Variants in LPP observed in about 807,000 individuals in gnomAD.
LPP encodes the protein lipoma-preferred partner.
LPP carries 38 observed loss-of-function variants against 60.4 expected under a neutral mutation model. That is an observed-to-expected ratio of 0.63 (90% CI 0.49 to 0.83). The LOEUF (loss-of-function observed/expected upper bound fraction) is 0.83. Among genes scored for constraint, LPP ranks in the 40% least tolerant of loss-of-function variants. LPP has a pLI of 0.00. For missense variants in LPP, 902 were observed against 783.6 expected, an observed-to-expected ratio of 1.15 and a Z score of -1.80; for synonymous variants, 328 against 290.8, an observed-to-expected ratio of 1.13 and a Z score of -1.30.
At chr3:188,601,804 C>A (rs372889232) in intron 6 of LPP, among the ~76,000 whole-genome samples, 1 of 151,982 alleles carries the variant, frequency 6.6e-6, no homozygotes, top group African/African-American at 2.4e-5. Flanking sequence ...TGTGGTGGCT[C>A]ACGCCTGTAA....
chr3:188,314,212 C>T (rs770244463), intron 2 of LPP, among the ~76,000 whole-genome samples: 1 of 152,028 alleles, frequency 6.6e-6, no homozygotes, highest in Non-Finnish European at 1.5e-5. Flanking sequence ...TCATAATGTT[C>T]CCTGTTACTA....
chr3:188,293,566 A>C (rs1418004161), intron 2 of LPP, among the ~76,000 whole-genome samples: 1 of 152,232 alleles, frequency 6.6e-6, no homozygotes, highest in Non-Finnish European at 1.5e-5. Flanking sequence ...AATATATGTC[A>C]AACTGAGAAT....
chr3:188,369,180 T>G (rs1358954234), intron 3 of LPP, among the ~76,000 whole-genome samples: 3 of 152,156 alleles, frequency 2.0e-5, no homozygotes, highest in Non-Finnish European at 4.4e-5. Context: ...AGATCCAAGG[T>G]AGATCTTTCT....
intron 2 of LPP, among the ~76,000 whole-genome samples, chr3:188,225,923 A>C (rs1176364179): frequency 6.6e-6 from 1 of 152,236 alleles, no homozygotes; most frequent in Non-Finnish European, 1.5e-5. Flanking sequence ...GTGTTTGGGC[A>C]TTTACAAGGA....
intron 6 of LPP, among the ~76,000 whole-genome samples, chr3:188,525,835 G>A (rs1820437893): frequency 6.6e-6 from 1 of 152,196 alleles, no homozygotes; most frequent in African/African-American, 2.4e-5. Context: ...ATTAATCTGT[G>A]TTTTGTAAGT....
At chr3:188,734,132 C>T (rs947609546) in intron 8 of LPP, among the ~76,000 whole-genome samples, 2 of 152,090 alleles carry the variant, frequency 1.3e-5, no homozygotes, top group Non-Finnish European at 2.9e-5. Context: ...TTATATTTCT[C>T]TGTCTCTTCT....
At chr3:188,497,085 T>G (rs1051305204) in intron 5 of LPP, among the ~76,000 whole-genome samples, 13 of 151,280 alleles carry the variant, frequency 8.6e-5, no homozygotes, top group African/African-American at 2.2e-4. Context: ...AGTTTTGTGG[T>G]TTTTTTTGAA....
intron 7 of LPP, among the ~76,000 whole-genome samples, chr3:188,659,502 G>A (rs760279944): frequency 5.3e-5 from 8 of 152,150 alleles, no homozygotes; most frequent in Middle Eastern, 3.4e-3. Flanking sequence ...ATATATGTTC[G>A]GAATATATTT....
intron 7 of LPP, among the ~76,000 whole-genome samples, chr3:188,687,835 C>T (rs1055999213): frequency 1.4e-5 from 2 of 145,260 alleles, no homozygotes; most frequent in Non-Finnish European, 3.0e-5. Flanking sequence ...GGTGCAGTGG[C>T]ACGATCTCGG....
intron 1 of LPP, among the ~76,000 whole-genome samples, chr3:188,207,207 ATTTTCTTTTTTTTTT>A (rs1234657418): frequency 3.4e-5 from 4 of 116,470 alleles, no homozygotes; most frequent in Non-Finnish European, 7.3e-5. Flanking sequence ...TGACCTACAC[ATTTTCTTTTTTTTTT>A]TTTTCTTTTC....
intron 7 of LPP, among the ~76,000 whole-genome samples, chr3:188,655,157 C>G (rs972643869): frequency 1.4e-4 from 22 of 152,170 alleles, no homozygotes; most frequent in African/African-American, 4.8e-4. Context: ...AGGATATTCT[C>G]TCTTCCTTTA....
chr3:188,660,331 G>T (rs888094324), intron 7 of LPP, among the ~76,000 whole-genome samples: 1 of 152,164 alleles, frequency 6.6e-6, no homozygotes, highest in Non-Finnish European at 1.5e-5. Context: ...CCAATTCTTT[G>T]CAGAAGGTGC....
intron 5 of LPP, 133 bp from the exon 6 acceptor site, chr3:188,524,532 A>T: frequency 1.2e-6 from 1 of 866,844 alleles, no homozygotes; most frequent in Non-Finnish European, 1.8e-6. Flanking sequence ...CTGAGATTTT[A>T]TGAAAGCTTA....
At chr3:188,786,993 G>T (rs987521665) in intron 9 of LPP, among the ~76,000 whole-genome samples, 1 of 152,130 alleles carries the variant, frequency 6.6e-6, no homozygotes, top group Non-Finnish European at 1.5e-5. Flanking sequence ...ACAATAGAAG[G>T]GATCATTGTG....
chr3:188,231,282 A>G (rs544579342), intron 2 of LPP, among the ~76,000 whole-genome samples: 11 of 152,192 alleles, frequency 7.2e-5, no homozygotes, highest in African/African-American at 2.7e-4. Context: ...TGCTTACCAC[A>G]GATTCCCCAG....
At chr3:188,360,931 C>T (rs1037350333) in intron 3 of LPP, among the ~76,000 whole-genome samples, 4 of 152,104 alleles carry the variant, frequency 2.6e-5, no homozygotes, top group East Asian at 1.9e-4. Flanking sequence ...AATGAGATAG[C>T]GGGTGTATAA....
intron 4 of LPP, among the ~76,000 whole-genome samples, chr3:188,415,694 T>C (rs1786048910): frequency 6.6e-6 from 1 of 151,250 alleles, no homozygotes; most frequent in Admixed American, 6.6e-5. Context: ...AGGTTACATG[T>C]ATTATATGAT....
chr3:188,753,754 G>A (rs565150563), intron 8 of LPP, among the ~76,000 whole-genome samples: 3 of 151,778 alleles, frequency 2.0e-5, no homozygotes, highest in Non-Finnish European at 2.9e-5. Flanking sequence ...TCCTTTTCTT[G>A]TTGCGAGTGT....
At chr3:188,525,990 T>C (rs1186950898) in intron 6 of LPP, among the ~76,000 whole-genome samples, 4 of 152,238 alleles carry the variant, frequency 2.6e-5, no homozygotes, top group African/African-American at 9.6e-5. Context: ...TCCCTGCCTC[T>C]CTAAAGTCTT....
Sources: gnomAD v4.1 joint callset for allele counts (sites outside exome capture counted in the v4.1 genomes callset) on GRCh38, gnomAD v4.1.1 for gene constraint, MANE v1.5 for transcripts, NCBI Gene and HGNC (gene_info 2026-07-23, HGNC 2026-07-21) for gene names.